The following PALLD variants were observed in gnomAD, a reference collection of about 807,000 sequenced individuals.
PALLD encodes palladin.
PALLD carries 61 observed loss-of-function variants against 123.5 expected under a neutral mutation model. The observed-to-expected ratio is 0.49, with a 90% CI of 0.40 to 0.61. The LOEUF (loss-of-function observed/expected upper bound fraction) is 0.61, where lower values mean the gene tolerates loss of function less well. PALLD is among the 20% of genes least tolerant of loss of function. PALLD has a pLI of 0.00. For synonymous variants in PALLD, 465 were observed against 496.4 expected (o/e 0.94, Z 0.84); for missense variants, 1,273 against 1,377.0 (o/e 0.92, Z 1.20).
At chr4:168,811,796 A>G (rs1741198324) in intron 10 of PALLD, among the ~76,000 whole-genome samples, 1 of 151,740 alleles carries the variant, frequency 6.6e-6, no homozygotes, top group Non-Finnish European at 1.5e-5. Context: ...ACACACACAC[A>G]CACACACACA....
intron 14 of PALLD, among the ~76,000 whole-genome samples, chr4:168,902,660 A>G (rs1384882822): frequency 6.6e-6 from 1 of 152,184 alleles, no homozygotes; most frequent in Non-Finnish European, 1.5e-5. Flanking sequence ...AAAACAAAAC[A>G]AAACCTTAGA....
At chr4:168,754,190 T>C (rs1331527344) in intron 10 of PALLD, among the ~76,000 whole-genome samples, 1 of 152,230 alleles carries the variant, frequency 6.6e-6, no homozygotes, top group Non-Finnish European at 1.5e-5. Flanking sequence ...TAACAAAACC[T>C]ATAAGAAATC....
intron 2 of PALLD, among the ~76,000 whole-genome samples, chr4:168,620,369 C>T (rs1034175089): frequency 7.2e-5 from 11 of 152,048 alleles, no homozygotes; most frequent in African/African-American, 2.2e-4. Context: ...GCAGGAGAAT[C>T]GCTTGAACTC....
chr4:168,905,800 T>C (rs897927611), intron 15 of PALLD, among the ~76,000 whole-genome samples: 5 of 147,898 alleles, frequency 3.4e-5, no homozygotes, highest in Admixed American at 2.0e-4. Context: ...CTTTTTTTTT[T>C]TTTTTTTTTT....
At chr4:168,756,101 A>G (rs1731835887) in intron 10 of PALLD, 2 of 170,354 alleles carry the variant, frequency 1.2e-5, no homozygotes, top group Non-Finnish European at 1.3e-5. Context: ...CTGTGTTCTC[A>G]CTTCCCCATC....
rs1438089608 is a variant in PALLD at position 168,500,953 on chromosome 4, A to G, written c.-83+3759A>G. On this transcript the variant is annotated intron_variant, in intron 1 of 21. Transcript: ENST00000505667. ...TAAGATTCACAAAATTACTTATGTC[A>G]AATGTGTAATATACATACCAATGAA... Among the ~76,000 whole-genome samples the G allele has an allele frequency of 3.3e-5, 5 of 152,234 alleles. No individual in the cohort carries two copies. The East Asian group carries it at 9.6e-4, about 29-fold the overall frequency.
chr4:168,635,490 A>C (rs1451111372), intron 2 of PALLD, among the ~76,000 whole-genome samples: 4 of 152,326 alleles, frequency 2.6e-5, no homozygotes, highest in African/African-American at 9.6e-5. Flanking sequence ...CATGAACTTA[A>C]AGTATCTATT....
intron 2 of PALLD, among the ~76,000 whole-genome samples, chr4:168,587,044 G>A (rs1469952130): frequency 6.6e-6 from 1 of 152,172 alleles, no homozygotes; most frequent in African/African-American, 2.4e-5. Context: ...CACTGGGAGA[G>A]GGGTGTACTA....
intron 2 of PALLD, among the ~76,000 whole-genome samples, chr4:168,628,786 T>C (rs1319077068): frequency 6.6e-6 from 1 of 152,208 alleles, no homozygotes; most frequent in Non-Finnish European, 1.5e-5. Flanking sequence ...GTTTTCTGCC[T>C]AATGTGCCCC....
At chr4:168,785,878 G>T (rs1209709200) in intron 10 of PALLD, among the ~76,000 whole-genome samples, 19 of 55,034 alleles carry the variant, frequency 3.5e-4, no homozygotes, top group African/African-American at 5.0e-4. Context: ...TATATATATA[G>T]CATTTTAAGC....
intron 10 of PALLD, among the ~76,000 whole-genome samples, chr4:168,811,772 T>TCACACACACACA (rs1290275045): frequency 7.1e-5 from 7 of 98,294 alleles, no homozygotes; most frequent in African/African-American, 2.3e-4. Context: ...TCTCTCTCTC[T>TCACACACACACA]CTCTCACACA....
In PALLD at chr4:168,652,066, T is replaced by A. The variant is rs1346711360; in HGVS notation, c.909-16124T>A. The stretch of plus-strand genomic sequence containing the variant: ...AGGGTAGGCTCTGAGGGTTAAAATG[T>A]TGAGGGGCAGATGTCGCTTGTGAAG... On this transcript the variant is annotated intron_variant, in intron 2 of 21. Transcript: ENST00000505667. 4.6e-5 allele frequency among the ~76,000 whole-genome samples: 7 copies of A among 152,228 alleles called. No individual in the cohort carries two copies. In the East Asian group the frequency reaches 1.4e-3, roughly 29 times the overall value.
chr4:168,584,543 C>T (rs756435736), intron 2 of PALLD, among the ~76,000 whole-genome samples: 4 of 152,118 alleles, frequency 2.6e-5, no homozygotes, highest in Non-Finnish European at 4.4e-5. Flanking sequence ...TGTGTGATTG[C>T]CTTCATGAAA....
chr4:168,879,041 A>T (rs971509917), intron 10 of PALLD, among the ~76,000 whole-genome samples: 1 of 152,180 alleles, frequency 6.6e-6, no homozygotes, highest in African/African-American at 2.4e-5. Context: ...AAAGCATGTA[A>T]ATGTCTTTAT....
chr4:168,645,716 T>G (rs1198389942), intron 2 of PALLD, among the ~76,000 whole-genome samples: 1 of 152,200 alleles, frequency 6.6e-6, no homozygotes, highest in Non-Finnish European at 1.5e-5. Context: ...TTATTAGTTA[T>G]TTATTTATCT....
intron 2 of PALLD, among the ~76,000 whole-genome samples, chr4:168,552,778 C>A (rs944902153): frequency 2.6e-5 from 4 of 152,148 alleles, no homozygotes; most frequent in African/African-American, 9.6e-5. Context: ...CGGGCTCATG[C>A]GATTGTCCTG....
chr4:168,847,662 AT>A (rs2150960107), intron 10 of PALLD, among the ~76,000 whole-genome samples: 1 of 152,194 alleles, frequency 6.6e-6, no homozygotes, highest in African/African-American at 2.4e-5. Flanking sequence ...CTTTCACTTT[AT>A]TTTTTAATTA....
chr4:168,905,189 C>T (rs545226046), intron 15 of PALLD, among the ~76,000 whole-genome samples: 9 of 109,064 alleles, frequency 8.3e-5, no homozygotes, highest in East Asian at 3.3e-4. Flanking sequence ...CTCACTCTGT[C>T]GCCCAGGCTG....
At chr4:168,898,420 T>TG (rs1193245149) in intron 13 of PALLD, 73 bp from the exon 14 acceptor site, 4 of 931,374 alleles carry the variant, frequency 4.3e-6, no homozygotes, top group Non-Finnish European at 7.1e-6. Context: ...AGGGCCTTAT[T>TG]GGGGGGCAGG....
Sources: gnomAD v4.1 joint callset for allele counts (sites outside exome capture counted in the v4.1 genomes callset) on GRCh38, gnomAD v4.1.1 for gene constraint, MANE v1.5 for transcripts, NCBI Gene and HGNC (gene_info 2026-07-23, HGNC 2026-07-21) for gene names.